AGAP3: variants seen among roughly 807,000 people sequenced by gnomAD.
The protein encoded by AGAP3 is ArfGAP with GTPase domain, ankyrin repeat and PH domain 3, also known as arf-GAP with GTPase, ANK repeat and PH domain-containing protein 3.
A neutral mutation model predicts 96.9 loss-of-function variants in AGAP3; 24 were observed. The observed-to-expected ratio is 0.25, with a 90% CI of 0.18 to 0.35. The LOEUF (loss-of-function observed/expected upper bound fraction) is 0.35. Ranked by LOEUF, AGAP3 falls within the 10% of genes least tolerant of loss-of-function variation. The probability of loss-of-function intolerance (pLI) is 1.00; values close to 1 mark genes in which losing one functional copy is unlikely to be tolerated. For synonymous variants in AGAP3, 563 were observed against 536.1 expected, an observed-to-expected ratio of 1.05 and a Z score of -0.69; for missense variants, 876 against 1,254.2, an observed-to-expected ratio of 0.70 and a Z score of 4.55.
At chr7:151,134,293 C>G (rs1163690517) in intron 10 of AGAP3, 107 bp from the exon 11 acceptor site, 4 of 1,275,434 alleles carry the variant, frequency 3.1e-6, no homozygotes, top group Non-Finnish European at 4.5e-6. Context: ...AAGATTGGAG[C>G]CTTCCCTCTC....
intron 11 of AGAP3, among the ~76,000 whole-genome samples, chr7:151,137,430 G>A: frequency 6.6e-6 from 1 of 152,360 alleles, no homozygotes; most frequent in South Asian, 2.1e-4. Flanking sequence ...TAGGTTCTCG[G>A]AGTTCCAACT....
At chr7:151,132,224 A>G (rs959633750) in intron 10 of AGAP3, among the ~76,000 whole-genome samples, 1 of 152,186 alleles carries the variant, frequency 6.6e-6, no homozygotes, top group Non-Finnish European at 1.5e-5. Context: ...CAAGGCCCCA[A>G]GCTGTGGGCA....
At position 151,143,305 on chromosome 7, in the gene AGAP3, TC is replaced by T; in HGVS notation, c.2274-34del. Reference sequence around the variant, plus strand: ...GGCCCCACCCGTTGCTCGGTGACCTTCCTTGGCTCATGCCCTGATGGGCCTG... The same window carrying T: ...GGCCCCACCCGTTGCTCGGTGACCTTCTTGGCTCATGCCCTGATGGGCCTG... On this transcript the variant is annotated intron_variant, in intron 16 of 17. Transcript: ENST00000397238. This position sits in a 1 kb window ranked among gnomAD's most constrained non-coding sequence, Gnocchi z 5.9. 1 of 1,578,560 alleles carries T rather than the reference TC, an allele frequency of 6.3e-7. No homozygotes were observed. Among genetic ancestry groups the T allele is most frequent in the Non-Finnish European group, 8.6e-7 (1 of 1,159,574 alleles).
intron 9 of AGAP3, 52 bp downstream of exon 9, chr7:151,123,938 T>A (rs1156952119): frequency 1.3e-6 from 2 of 1,559,732 alleles, no homozygotes; most frequent in East Asian, 4.5e-5. Context: ...GGCCCAGGAA[T>A]GTGGCGCTTC....
intron 8 of AGAP3, chr7:151,123,326 C>G (rs1005480150): frequency 8.8e-5 from 91 of 1,032,238 alleles, no homozygotes; most frequent in Non-Finnish European, 9.8e-5. Flanking sequence ...TCTCCTCTCT[C>G]TGTCCATCCA....
At chr7:151,123,346 T>G in intron 8 of AGAP3, 2 of 1,041,342 alleles carry the variant, frequency 1.9e-6, no homozygotes, top group Non-Finnish European at 2.3e-6. Context: ...ACTGTGCCCC[T>G]TGGGCCACGC....
chr7:151,091,595 G>A (rs1157836812), intron 1 of AGAP3, among the ~76,000 whole-genome samples: 2 of 152,192 alleles, frequency 1.3e-5, no homozygotes, highest in African/African-American at 4.8e-5. Context: ...AGTCCAGAAG[G>A]AGACCTAGAT....
chr7:151,122,751 A>C, intron 8 of AGAP3: 2 of 1,613,726 alleles, frequency 1.2e-6, no homozygotes, highest in Non-Finnish European at 1.7e-6. Context: ...CCAACTTTTC[A>C]TCAACAAAAA....
intron 8 of AGAP3, chr7:151,122,657 G>GGT: frequency 1.3e-6 from 2 of 1,594,458 alleles, no homozygotes; most frequent in South Asian, 2.2e-5. Flanking sequence ...TGCCCTCACC[G>GGT]GTGCTGACCG....
rs1231489389 is a variant in AGAP3, at chr7:151,096,490, T to G, written c.331+9418T>G. Among the ~76,000 whole-genome samples the G allele has an allele frequency of 1.3e-5, 2 of 151,906 alleles. No homozygotes were observed. Among genetic ancestry groups the G allele is most frequent in the African/African-American group, 4.8e-5 (2 of 41,372 alleles). Reference sequence around the variant, plus strand: ...AAATTTTCTTTTCTTTTTTTTTTTTTGAGGTGGAGTCTCGCTCTGTCGCCC... The same window carrying G: ...AAATTTTCTTTTCTTTTTTTTTTTTGGAGGTGGAGTCTCGCTCTGTCGCCC... On this transcript the variant is annotated intron_variant, in intron 1 of 17. Coordinates refer to ENST00000397238, the MANE Select transcript of AGAP3 (RefSeq NM_031946.7). This position sits in a 1 kb window ranked among gnomAD's most constrained non-coding sequence, Gnocchi z 4.4.
At chr7:151,120,666 C>A (rs1585081652) in intron 8 of AGAP3, 3 of 1,275,702 alleles carry the variant, frequency 2.4e-6, no homozygotes, top group Admixed American at 4.7e-5. Flanking sequence ...ATGCTTTCCA[C>A]CCACCGCTGT....
At chr7:151,119,070 G>T (rs115713183) in intron 7 of AGAP3, 6,534 of 198,902 alleles carry the variant, frequency 0.033, 115 homozygotes, top group Middle Eastern at 0.12. Context: ...TCCCTTCAGG[G>T]CTGTGAGAAG....
At chr7:151,097,064 C>T (rs369900813) in intron 1 of AGAP3, among the ~76,000 whole-genome samples, 16 of 151,912 alleles carry the variant, frequency 1.1e-4, no homozygotes, top group Admixed American at 9.2e-4. Flanking sequence ...GGACGACAGG[C>T]GTGAGTGAGC....
rs988386770 is a variant in AGAP3, at chr7:151,096,905, A to T, written c.331+9833A>T. Among the ~76,000 whole-genome samples, 1 of 152,022 alleles carries T rather than the reference A, an allele frequency of 6.6e-6. No homozygotes were observed. The highest frequency in any genetic ancestry group is 1.5e-5 in the Non-Finnish European group (1 of 67,986). ...GCAATTCTCGTGCCTCAGCCTCCCA[A>T]GGCACATGCCTTGGGATTACAGGCA... On this transcript the variant is annotated intron_variant, in intron 1 of 17. Transcript: ENST00000397238. The surrounding 1 kb of genome is among the most constrained non-coding windows in gnomAD (Gnocchi z 4.4).
rs527522879 is a variant in AGAP3, at chr7:151,134,539, G to A, written c.1466G>A (p.Arg489Gln). 94 of 1,612,546 alleles carry A rather than the reference G, an allele frequency of 5.8e-5. No homozygotes were observed. The highest frequency in any genetic ancestry group is 1.7e-4 in the Admixed American group (10 of 59,942). Residue 489 changes from arginine to glutamine, a missense_variant, in exon 11 of 18, where the codon CGG becomes CAG. Physicochemically the swap from Arg to Gln is conservative, Grantham distance 43. This residue lies in a region of AGAP3 where 63 missense variants were observed against 114.5 expected (regional missense o/e 0.55). Transcript: ENST00000397238. ...CGTGCCAACGGGCTGTCCGTGGAGCGGAGTAACACACAGCTGGGTGGGGGC... is the reference window on the plus strand; with the variant it reads ...CGTGCCAACGGGCTGTCCGTGGAGCAGAGTAACACACAGCTGGGTGGGGGC... ...SPRANGLSVERSNTQLGGGTG... is the reference protein window; with the variant it reads ...SPRANGLSVEQSNTQLGGGTG...
At position 151,125,451 on chromosome 7, in the gene AGAP3, A is replaced by C. The variant is rs530518917; in HGVS notation, c.1221+1565A>C. Among the ~76,000 whole-genome samples, 443 of 152,302 alleles carry C rather than the reference A, an allele frequency of 2.9e-3. 2 individuals carry two copies. Among genetic ancestry groups the C allele is most frequent in the African/African-American group, 0.01 (427 of 41,572 alleles). ...GTCACTTGGGTGTTTTCACCCCTAA[A>C]TCTCAGGGACGCTCAGTAGGAAGGC... is the stretch of plus-strand genomic sequence containing the variant. On this transcript the variant is annotated intron_variant, in intron 9 of 17. Transcript: ENST00000397238.
At chr7:151,104,962 T>G (rs1352366812) in intron 1 of AGAP3, among the ~76,000 whole-genome samples, 1 of 152,182 alleles carries the variant, frequency 6.6e-6, no homozygotes, top group Non-Finnish European at 1.5e-5. Context: ...CAGGTGCCCC[T>G]GGCGGGGCGG....
chr7:151,120,687 A>T (rs1490606074), intron 8 of AGAP3: 46 of 1,254,452 alleles, frequency 3.7e-5, no homozygotes, highest in Non-Finnish European at 4.4e-5. Context: ...GATTGGTTTA[A>T]CAAAGGCTTA....
rs757190371 is a variant in AGAP3, at chr7:151,141,979, G to A, written c.1886G>A (p.Arg629Gln). Residue 629 changes from arginine (R) to glutamine (Q), a missense_variant, in exon 14 of 18, where the codon CGG (arginine) becomes CAG (glutamine). Physicochemically the swap from Arg to Gln is conservative, Grantham distance 43. Transcript: ENST00000397238. The surrounding 1 kb of genome is among the most constrained non-coding windows in gnomAD (Gnocchi z 4.2). ...WHFEASTAEE[R>Q]ELWVQSVQAQ... ...TTCGAGGCTTCAACGGCGGAGGAGC[G>A]GGAGCTGTGGGTTCAGAGTGTGCAG... 1.9e-6 allele frequency: 3 copies of A among 1,614,030 alleles called. No homozygotes were observed. The highest frequency in any genetic ancestry group is 1.7e-5 in the Admixed American group (1 of 59,996).
Sources: allele counts gnomAD v4.1 joint callset (sites outside exome capture counted in the v4.1 genomes callset), GRCh38; gene constraint gnomAD v4.1.1; regional missense constraint gnomAD v4.1.1; non-coding constraint Gnocchi (gnomAD v3.1); transcripts MANE v1.5; gene names NCBI Gene and HGNC (gene_info 2026-07-23, HGNC 2026-07-21).